The following CCS variants were observed in gnomAD, a reference collection of about 807,000 sequenced individuals.
CCS encodes the protein superoxide dismutase copper chaperone.
CCS carries 32 observed loss-of-function variants against 35.5 expected under a neutral mutation model. The ratio of observed to expected loss-of-function variants is 0.90; its 90% CI spans 0.68 to 1.21. The LOEUF is 1.21. CCS is among the 50% of genes most tolerant of loss of function. CCS has a pLI of 0.00. For synonymous variants in CCS, 130 were observed against 147.2 expected, an observed-to-expected ratio of 0.88 and a Z score of 0.84; for missense variants, 342 against 375.4, an observed-to-expected ratio of 0.91 and a Z score of 0.73.
Position 66,605,351 on chromosome 11 carries a change from C to G in CCS, c.502C>G (p.Leu168Val), listed in dbSNP as rs1168513397. The G allele has an allele frequency of 6.2e-7, 1 of 1,614,178 alleles. No individual in the cohort carries two copies. The highest frequency in any genetic ancestry group is 8.5e-7 in the Non-Finnish European group (1 of 1,180,030). Residue 168 changes from leucine (L) to valine (V), a missense_variant, in exon 6 of 8, where the codon CTG (leucine) becomes GTG (valine). Leu to Val is a conservative substitution (Grantham distance 32). Coordinates refer to ENST00000533244, the MANE Select transcript of CCS (RefSeq NM_005125.2). Reference sequence around the variant, plus strand: ...GATCTCATTCCAGCACCGCGGAGACCTGGGCAATGTCCGTGCTGATGCTGA... The same window carrying G: ...GATCTCATTCCAGCACCGCGGAGACGTGGGCAATGTCCGTGCTGATGCTGA... ...PQDSDRHRGD[L>V]GNVRADADGR...
rs369768073 is a variant in CCS, at chr11:66,599,098, C to T, written c.113-18C>T. On this transcript the variant is annotated intron_variant, in intron 2 of 7. Coordinates refer to ENST00000533244, the MANE Select transcript of CCS (RefSeq NM_005125.2). Reference sequence around the variant, plus strand: ...GGGTGCCAGCCTCTGTTGCCCTCTTCCCTCTCTTTCTTGCCAGGTGTCCAG... The same window carrying T: ...GGGTGCCAGCCTCTGTTGCCCTCTTTCCTCTCTTTCTTGCCAGGTGTCCAG... 2.5e-5 allele frequency: 40 copies of T among 1,613,974 alleles called. No homozygotes were observed. Among genetic ancestry groups the T allele is most frequent in the Non-Finnish European group, 3.1e-5 (36 of 1,180,028 alleles).
At chr11:66,605,107 G>A in intron 5 of CCS, 1 of 1,502,668 alleles carries the variant, frequency 6.7e-7, no homozygotes, top group Admixed American at 2.0e-5. Context: ...TCCAGGGAGG[G>A]AGTGTTCAGA....
chr11:66,599,166 A>G lies in CCS; in HGVS notation c.163A>G (p.Thr55Ala). The G allele has an allele frequency of 6.2e-7, 1 of 1,613,970 alleles. No homozygotes were observed. The change falls in exon 3 of 8, where the codon ACC becomes GCC. Residue 55 changes from threonine (T) to alanine (A), a missense_variant. Physicochemically the swap from Thr to Ala is moderately conservative, Grantham distance 58. Coordinates refer to ENST00000533244, the MANE Select transcript of CCS (RefSeq NM_005125.2). The part of the protein sequence containing the change: ...HLEDQMVLVH[T>A]TLPSQEVQAL... ...GGAGGACCAGATGGTCTTGGTACAC[A>G]CCACTCTACCCAGCCAGGAGGTGCA...
At chr11:66,605,249 G>A (rs1466151653) in intron 5 of CCS, 90 bp from the exon 6 acceptor site, 2 of 1,578,392 alleles carry the variant, frequency 1.3e-6, no homozygotes, top group Admixed American at 1.9e-5. Context: ...TAGGGAAGCA[G>A]GAAGAGGCGT....
intron 5 of CCS, 114 bp from the exon 6 acceptor site, chr11:66,605,225 G>A: frequency 6.4e-7 from 1 of 1,554,008 alleles, no homozygotes; most frequent in Non-Finnish European, 8.7e-7. Flanking sequence ...ACCCACAGGA[G>A]GAAATGGGTA....
At position 66,599,251 on chromosome 11, in the gene CCS, T is replaced by G; in HGVS notation, c.248T>G (p.Leu83Trp). Residue 83 changes from leucine to tryptophan, a missense_variant and splice_region_variant, in exon 3 of 8, where the codon TTG (leucine) becomes TGG (tryptophan). Coordinates refer to ENST00000533244, the MANE Select transcript of CCS (RefSeq NM_005125.2). ...AVLKGMGSGQ[L>W]QNLGAAVAIL... ...CTCAAGGGCATGGGCAGCGGCCAGTTGCGTGAGTGACCACTGTGGCCTTGG... is the reference window on the plus strand; with the variant it reads ...CTCAAGGGCATGGGCAGCGGCCAGTGGCGTGAGTGACCACTGTGGCCTTGG... 1.9e-6 allele frequency: 3 copies of G among 1,596,886 alleles called. No individual in the cohort carries two copies. Among genetic ancestry groups the G allele is most frequent in the Non-Finnish European group, 1.7e-6 (2 of 1,171,698 alleles).
rs768467295 is a variant in CCS, at chr11:66,605,559, C to T, written c.638C>T (p.Pro213Leu). ...GEDDLGRGGHPLSKITGNSGE... is the reference protein window; with the variant it reads ...GEDDLGRGGHLLSKITGNSGE... Reference sequence around the variant, plus strand: ...GATGACCTGGGCCGGGGAGGCCATCCCTTATCCAAGATCACAGGGAACTCC... The same window carrying T: ...GATGACCTGGGCCGGGGAGGCCATCTCTTATCCAAGATCACAGGGAACTCC... Residue 213 changes from proline to leucine, a missense_variant, in exon 7 of 8, where the codon CCC becomes CTC. Pro to Leu is a moderately conservative substitution (Grantham distance 98, BLOSUM62 -3). Coordinates refer to ENST00000533244, the MANE Select transcript of CCS (RefSeq NM_005125.2). 1.2e-6 allele frequency: 2 copies of T among 1,613,876 alleles called. No individual in the cohort carries two copies. Among genetic ancestry groups the T allele is most frequent in the African/African-American group, 1.3e-5 (1 of 74,928 alleles).
intron 1 of CCS, 29 bp from the exon 2 acceptor site, chr11:66,593,613 T>A: frequency 6.2e-7 from 1 of 1,610,878 alleles, no homozygotes; most frequent in Non-Finnish European, 8.5e-7. Flanking sequence ...TCCCCAGCGA[T>A]CATCGGTTGG....
intron 2 of CCS, among the ~76,000 whole-genome samples, chr11:66,594,518 G>C (rs1391605871): frequency 6.6e-6 from 1 of 152,150 alleles, no homozygotes; most frequent in Non-Finnish European, 1.5e-5. Flanking sequence ...GCTCACGCCT[G>C]TAATCCCAGC....
At position 66,605,730 on chromosome 11, in the gene CCS, G is replaced by A. The variant is rs10061; in HGVS notation, c.700G>A (p.Ala234Thr). The A allele has an allele frequency of 3.1e-6, 5 of 1,599,452 alleles. No homozygotes were observed. The highest frequency in any genetic ancestry group is 2.2e-5 in the East Asian group (1 of 44,722). ...GGCCTGTGGCATCATTGCACGCTCC[G>A]CTGGCCTTTTCCAGAACCCCAAGCA... is the stretch of plus-strand genomic sequence containing the variant. ...RLACGIIARS[A>T]GLFQNPKQIC... is the part of the protein sequence containing the mutation. Residue 234 changes from alanine (A) to threonine (T), a missense_variant, in exon 8 of 8, where the codon GCT becomes ACT. By Grantham distance (58) the Ala-to-Thr change is moderately conservative. Transcript: ENST00000533244.
At chr11:66,600,135 G>GA (rs1055883704) in intron 4 of CCS, 10 of 187,156 alleles carry the variant, frequency 5.3e-5, no homozygotes, top group South Asian at 1.6e-4. Context: ...TCTGTCTCAA[G>GA]AAAAAAAATA....
chr11:66,599,419 G>A, intron 3 of CCS, 40 bp from the exon 4 acceptor site: 3 of 1,510,596 alleles, frequency 2.0e-6, no homozygotes, highest in Non-Finnish European at 2.7e-6. Context: ...GGTGTGCTGG[G>A]TGAGGTGGCA....
intron 2 of CCS, among the ~76,000 whole-genome samples, chr11:66,596,529 G>A (rs762317183): frequency 6.6e-6 from 1 of 151,886 alleles, no homozygotes; most frequent in South Asian, 2.1e-4. Context: ...ACAGGCGCCC[G>A]CCACCATGCC....
chr11:66,605,521 T>C lies in CCS; in HGVS notation c.600T>C (p.Ile200=), dbSNP rs753104213. ...ATGTGATTGGCCGCAGCCTGATTATTGATGAGGGAGAAGATGACCTGGGCC... is the reference window on the plus strand; with the variant it reads ...ATGTGATTGGCCGCAGCCTGATTATCGATGAGGGAGAAGATGACCTGGGCC... The part of the protein sequence containing the change: ...VWDVIGRSLI[I]DEGEDDLGRG... Residue 200 remains isoleucine, a synonymous_variant, in exon 7 of 8, where the codon ATT becomes ATC. Transcript: ENST00000533244. 2 of 1,614,072 alleles carry C rather than the reference T, an allele frequency of 1.2e-6. No individual in the cohort carries two copies. The highest frequency in any genetic ancestry group is 1.1e-5 in the South Asian group (1 of 91,054).
intron 1 of CCS, 56 bp downstream of exon 1, chr11:66,593,356 G>A: frequency 1.4e-6 from 2 of 1,455,368 alleles, no homozygotes; most frequent in Non-Finnish European, 9.1e-7. Flanking sequence ...CGGCCCCTGG[G>A]ATGATCGTTA....
At position 66,595,331 on chromosome 11, in the gene CCS, C is replaced by T. The variant is rs542602427; in HGVS notation, c.112+1617C>T. 6.6e-5 allele frequency among the ~76,000 whole-genome samples: 10 copies of T among 152,204 alleles called. No homozygotes were observed. The South Asian group carries it at 1.2e-3, about 19-fold the overall frequency. On this transcript the variant is annotated intron_variant, in intron 2 of 7. Transcript: ENST00000533244. ...TGAAGCTGGGTTTGCTTAGACTACG[C>T]GTTTTGGGTGGTGAATGGGCCCTCC...
Position 66,593,276 on chromosome 11 carries a change from G to C in CCS, c.15G>C (p.Ser5=). Residue 5 remains serine, a synonymous_variant, in exon 1 of 8, where the codon TCG becomes TCC. Transcript: ENST00000533244. The part of the protein sequence containing the change: MASD[S]GNQGTLCTLE... ...CTGGGTCCAGAATGGCTTCGGATTC[G>C]GGGAACCAGGGGACCCTCTGCACGG... 6.4e-7 allele frequency: 1 copy of C among 1,557,922 alleles called. No individual in the cohort carries two copies. Among genetic ancestry groups the C allele is most frequent in the South Asian group, 1.2e-5 (1 of 84,456 alleles).
intron 1 of CCS, 26 bp downstream of exon 1, chr11:66,593,326 C>A: frequency 6.7e-7 from 1 of 1,500,508 alleles, no homozygotes; most frequent in Admixed American, 2.5e-5. Context: ...TCGTGTGGAG[C>A]CTCGCCGGGC....
chr11:66,605,667 C>A, intron 7 of CCS, 35 bp from the exon 8 acceptor site: 1 of 1,577,296 alleles, frequency 6.3e-7, no homozygotes, highest in Non-Finnish European at 8.6e-7. Context: ...GGGGGCCAAA[C>A]AGGTACCCAC....
Sources: gnomAD v4.1 joint callset for allele counts (sites outside exome capture counted in the v4.1 genomes callset) on GRCh38, gnomAD v4.1.1 for gene constraint, MANE v1.5 for transcripts, NCBI Gene and HGNC (gene_info 2026-07-23, HGNC 2026-07-21) for gene names.